Variants in GDNF observed in about 807,000 individuals in gnomAD.
GDNF encodes the protein glial cell derived neurotrophic factor.
GDNF carries 5 observed loss-of-function variants against 13.7 expected under a neutral mutation model. The ratio of observed to expected loss-of-function variants is 0.36; its 90% CI spans 0.19 to 0.77. GDNF has a LOEUF of 0.77. Among genes scored for constraint, GDNF ranks in the 30% least tolerant of loss-of-function variants. The pLI is 0.51. For missense variants in GDNF, 246 were observed against 274.3 expected (o/e 0.90, Z 0.73); for synonymous variants, 122 against 112.5 (o/e 1.08, Z -0.53).
chr5:37,836,987 C>A (rs1195291940), intron 1 of GDNF, among the ~76,000 whole-genome samples: 36 of 152,318 alleles, frequency 2.4e-4, no homozygotes, highest in Non-Finnish European at 1.5e-5. Flanking sequence ...GCGCCGCCAG[C>A]GCCCGGATCG....
At chr5:37,821,165 T>G (rs1750125097) in intron 2 of GDNF, among the ~76,000 whole-genome samples, 1 of 152,154 alleles carries the variant, frequency 6.6e-6, no homozygotes, top group South Asian at 2.1e-4. Flanking sequence ...ACTGAGCCTG[T>G]CCTTAATTCT....
In GDNF at chr5:37,838,262, G is replaced by A. The variant is rs1242085311; in HGVS notation, c.-27+1245C>T. On this transcript the variant is annotated intron_variant, in intron 1 of 2. Transcript: ENST00000326524. This position sits in a 1 kb window ranked among gnomAD's most constrained non-coding sequence, Gnocchi z 4.1. ...AGCGGGAAAGGGCTAGGGACACGGC[G>A]GACTTCCCAGAGATCGGACACTTGT... Among the ~76,000 whole-genome samples the A allele has an allele frequency of 1.3e-5, 2 of 152,156 alleles. No individual in the cohort carries two copies. Among genetic ancestry groups the A allele is most frequent in the African/African-American group, 2.4e-5 (1 of 41,430 alleles).
Position 37,831,242 on chromosome 5 carries a change from C to T in GDNF, c.151+3404G>A, listed in dbSNP as rs372824223. ...ACCTTACTGGACTGAGGTTCTTTCA[C>T]GTTGATTTTTTCATACCACCACACA... On this transcript the variant is annotated intron_variant, in intron 2 of 2. Transcript: ENST00000326524. 1.2e-3 allele frequency among the ~76,000 whole-genome samples: 190 copies of T among 152,292 alleles called. 4 individuals carry two copies. The South Asian group carries it at 0.038, about 30-fold the overall frequency.
Position 37,819,449 on chromosome 5 carries a change from T to TC in GDNF, c.152-3315_152-3314insG, listed in dbSNP as rs1288684355. ...GCCCAGGGAAGTGCTCTTTTCTTTT[T>TC]TTTTTTTTTTTTTTGTTTTTGAGAC... On this transcript the variant is annotated intron_variant, in intron 2 of 2. Transcript: ENST00000326524. Among the ~76,000 whole-genome samples the TC allele has an allele frequency of 4.0e-5, 6 of 148,382 alleles. No individual in the cohort carries two copies. The East Asian group carries it at 1.2e-3, about 29-fold the overall frequency.
At chr5:37,835,095 G>T (rs546303860) in intron 1 of GDNF, among the ~76,000 whole-genome samples, 2 of 152,048 alleles carry the variant, frequency 1.3e-5, no homozygotes, top group Non-Finnish European at 2.9e-5. Context: ...TTCAAGCAGG[G>T]CTGCTGTCCC....
At chr5:37,832,847 G>A (rs1467057662) in intron 2 of GDNF, among the ~76,000 whole-genome samples, 1 of 152,220 alleles carries the variant, frequency 6.6e-6, no homozygotes, top group African/African-American at 2.4e-5. Flanking sequence ...CTCCTGGGGT[G>A]AGACCTAGCA....
At chr5:37,828,424 G>A (rs1750405658) in intron 2 of GDNF, among the ~76,000 whole-genome samples, 1 of 152,206 alleles carries the variant, frequency 6.6e-6, no homozygotes, top group Non-Finnish European at 1.5e-5. Flanking sequence ...CCCAAATGGA[G>A]ATTTTAAAAG....
intron 2 of GDNF, among the ~76,000 whole-genome samples, chr5:37,829,218 G>T (rs932005708): frequency 1.3e-5 from 2 of 152,166 alleles, no homozygotes; most frequent in South Asian, 4.2e-4. Flanking sequence ...CCACATCATG[G>T]TCACAAATTT....
intron 1 of GDNF, among the ~76,000 whole-genome samples, chr5:37,835,199 G>T (rs1387100979): frequency 6.6e-6 from 1 of 151,408 alleles, no homozygotes; most frequent in African/African-American, 2.4e-5. Flanking sequence ...CAATCGGGTA[G>T]TTCCCACCCT....
rs140045926 is a variant in GDNF at position 37,813,404 on chromosome 5, T to G, written c.*2247A>C. ...AGCCACTAAGGTAGGTAGTAATAGATTATCTCCTTAATGAAAATCCCTTTT... is the reference window on the plus strand; with the variant it reads ...AGCCACTAAGGTAGGTAGTAATAGAGTATCTCCTTAATGAAAATCCCTTTT... On this transcript the variant is annotated 3_prime_UTR_variant, in exon 3 of 3. Coordinates refer to ENST00000326524, the MANE Select transcript of GDNF (RefSeq NM_000514.4). 6.6e-6 allele frequency: 1 copy of G among 152,238 alleles called. No individual in the cohort carries two copies. The highest frequency in any genetic ancestry group is 1.5e-5 in the Non-Finnish European group (1 of 68,008). The allele number at this position is 152,238 out of a possible 1,614,324, so 9.4% of individuals were successfully genotyped here.
At chr5:37,835,508 T>A in intron 1 of GDNF, 1 of 1,495,172 alleles carries the variant, frequency 6.7e-7, no homozygotes, top group Non-Finnish European at 9.0e-7. Flanking sequence ...CTGGTTTAAG[T>A]TACTTAACTT....
chr5:37,838,324 G>C lies in GDNF; in HGVS notation c.-27+1183C>G, dbSNP rs1461804646. On this transcript the variant is annotated intron_variant, in intron 1 of 2. Transcript: ENST00000326524. The surrounding 1 kb of genome is among the most constrained non-coding windows in gnomAD (Gnocchi z 4.1). ...AAGGCGCCACCTTCCCTGACAAAGC[G>C]AAGGCGCAGCGAAACAGTACGAGTT... Among the ~76,000 whole-genome samples the C allele has an allele frequency of 6.6e-6, 1 of 152,230 alleles. No homozygotes were observed. The highest frequency in any genetic ancestry group is 2.4e-5 in the African/African-American group (1 of 41,454).
chr5:37,831,417 T>A (rs555704192), intron 2 of GDNF, among the ~76,000 whole-genome samples: 2 of 152,350 alleles, frequency 1.3e-5, no homozygotes, highest in Admixed American at 1.3e-4. Flanking sequence ...TAGATGCAAA[T>A]TTTTAAAACC....
At chr5:37,827,634 T>G (rs1225271721) in intron 2 of GDNF, among the ~76,000 whole-genome samples, 2 of 152,238 alleles carry the variant, frequency 1.3e-5, no homozygotes. Context: ...TCCATCTCTC[T>G]ACCTTACAAT....
chr5:37,817,011 T>A (rs1749954314), intron 2 of GDNF, among the ~76,000 whole-genome samples: 1 of 152,144 alleles, frequency 6.6e-6, no homozygotes, highest in East Asian at 1.9e-4. Flanking sequence ...ATAAATGAAA[T>A]GAGATGCTGT....
At chr5:37,825,263 T>C (rs1008284875) in intron 2 of GDNF, among the ~76,000 whole-genome samples, 1 of 152,184 alleles carries the variant, frequency 6.6e-6, no homozygotes, top group Non-Finnish European at 1.5e-5. Flanking sequence ...AGACAGTAAA[T>C]TCCTTTGTTA....
chr5:37,818,856 C>A (rs1383965445), intron 2 of GDNF, among the ~76,000 whole-genome samples: 1 of 152,202 alleles, frequency 6.6e-6, no homozygotes, highest in East Asian at 1.9e-4. Context: ...TCACTATCCA[C>A]AAGTCCCACC....
rs188617599 is a variant in GDNF, at chr5:37,813,958, C to T, written c.*1693G>A. 2 of 152,908 alleles carry T rather than the reference C, an allele frequency of 1.3e-5. No individual in the cohort carries two copies. The highest frequency in any genetic ancestry group is 2.4e-5 in the African/African-American group (1 of 41,464). The allele number at this position is 152,908 out of a possible 1,614,324, so 9.5% of individuals were successfully genotyped here. A position where few individuals can be genotyped will look rare whatever the true frequency, so the allele number is the denominator to read the frequency against. ...AATATGGCTTCCTCAGCACCCTTCT[C>T]AGCCATCTGCTCCCCAGGGAGCTGT... On this transcript the variant is annotated 3_prime_UTR_variant, in exon 3 of 3. Coordinates refer to ENST00000326524, the MANE Select transcript of GDNF (RefSeq NM_000514.4).
chr5:37,835,347 C>G, intron 1 of GDNF: 1 of 873,024 alleles, frequency 1.1e-6, no homozygotes, highest in Non-Finnish European at 1.6e-6. Flanking sequence ...CCTCGGGTCC[C>G]AACCGGGCTT....
Sources: gnomAD v4.1 joint callset for allele counts (sites outside exome capture counted in the v4.1 genomes callset) on GRCh38, gnomAD v4.1.1 for gene constraint, Gnocchi (gnomAD v3.1) non-coding constraint, MANE v1.5 for transcripts, NCBI Gene and HGNC (gene_info 2026-07-23, HGNC 2026-07-21) for gene names.